ATG13: variants seen among roughly 807,000 people sequenced by gnomAD.
ATG13 encodes the protein autophagy related 13, also known as autophagy-related protein 13.
In ATG13, 23 loss-of-function variants were observed where a neutral mutation model predicts 65.5. That is an observed-to-expected ratio of 0.35 (90% CI 0.25 to 0.50). ATG13 has a LOEUF of 0.50. Ranked by LOEUF, ATG13 falls within the 20% of genes least tolerant of loss-of-function variation. The pLI is 0.98. For missense variants in ATG13, 566 were observed against 677.0 expected, an observed-to-expected ratio of 0.84 and a Z score of 1.82; for synonymous variants, 252 against 245.2, an observed-to-expected ratio of 1.03 and a Z score of -0.26.
At chr11:46,619,178 T>G (rs892165089) in intron 1 of ATG13, among the ~76,000 whole-genome samples, 4 of 152,000 alleles carry the variant, frequency 2.6e-5, no homozygotes. Flanking sequence ...CAATAAAAAC[T>G]GAAAATATTC....
At chr11:46,668,058 C>T (rs941689146) in intron 15 of ATG13, among the ~76,000 whole-genome samples, 171 bp downstream of exon 15, 2 of 152,108 alleles carry the variant, frequency 1.3e-5, no homozygotes, top group East Asian at 3.8e-4. Flanking sequence ...CCTGTGCTAC[C>T]CCTCCAGAAT....
rs972144108 is a variant in ATG13, at chr11:46,672,435, G to C, written c.*103G>C. ...CACCCCTCATCCTGCTCTGAGCCAG[G>C]TGGAAGGGAGGCTGGCTTCTCCCAT... On this transcript the variant is annotated 3_prime_UTR_variant, in exon 19 of 19. Coordinates refer to ENST00000683050, the MANE Select transcript of ATG13 (RefSeq NM_001346311.2). 1.3e-5 allele frequency: 21 copies of C among 1,593,504 alleles called. No homozygotes were observed. The highest frequency in any genetic ancestry group is 1.7e-5 in the Non-Finnish European group (20 of 1,168,864).
At chr11:46,641,735 T>A (rs1287079837) in intron 2 of ATG13, among the ~76,000 whole-genome samples, 2 of 151,172 alleles carry the variant, frequency 1.3e-5, no homozygotes, top group East Asian at 3.9e-4. Flanking sequence ...GATTTGTGCA[T>A]TTCAGTGCAT....
At position 46,672,727 on chromosome 11, in the gene ATG13, T is replaced by G. The variant is rs201775989; in HGVS notation, c.*395T>G. 500 of 1,354,118 alleles carry G rather than the reference T, an allele frequency of 3.7e-4. 1 individual carries two copies. Among genetic ancestry groups the G allele is most frequent in the Non-Finnish European group, 2.2e-4 (225 of 1,025,782 alleles). 83.9% of individuals were successfully genotyped at this position (1,354,118 alleles called of 1,614,324 possible). A position where few individuals can be genotyped will look rare whatever the true frequency, so the allele number is the denominator to read the frequency against. ...CTGCCTGCTGTCACCATCCACTGTT[T>G]GACATTCCAGCTGGTGGCCAAGAGA... On this transcript the variant is annotated 3_prime_UTR_variant, in exon 19 of 19. Transcript: ENST00000683050.
rs150536295 is a variant in ATG13, at chr11:46,639,643, G to A, written c.-13-4636G>A. On this transcript the variant is annotated intron_variant, in intron 2 of 18. Transcript: ENST00000683050. ...GGAAACAGGAGGAACCCTCAAATCC[G>A]CCTCCCAGGGAGTTTGTGGGTAGAG... Among the ~76,000 whole-genome samples, 417 of 152,224 alleles carry A rather than the reference G, an allele frequency of 2.7e-3. 2 individuals carry two copies. Among genetic ancestry groups the A allele is most frequent in the African/African-American group, 9.7e-3 (402 of 41,536 alleles).
intron 5 of ATG13, among the ~76,000 whole-genome samples, chr11:46,646,845 G>A (rs4307676): frequency 0.14 from 21,520 of 151,494 alleles, 1,588 homozygotes; most frequent in Non-Finnish European, 0.17. Flanking sequence ...TTGCAGCCTC[G>A]ACCTCCTAGG....
At chr11:46,646,017 C>T in intron 5 of ATG13, 28 bp downstream of exon 5, 1 of 1,613,526 alleles carries the variant, frequency 6.2e-7, no homozygotes, top group Non-Finnish European at 8.5e-7. Flanking sequence ...TTGGTGTCTT[C>T]ATTTAGCACT....
intron 2 of ATG13, among the ~76,000 whole-genome samples, chr11:46,641,631 C>T (rs1021452118): frequency 2.6e-5 from 4 of 152,082 alleles, no homozygotes; most frequent in African/African-American, 9.7e-5. Flanking sequence ...TGTAATGGAA[C>T]CTTCTAGAAT....
chr11:46,650,326 C>T lies in ATG13; in HGVS notation c.458+9C>T. The T allele has an allele frequency of 6.2e-7, 1 of 1,607,914 alleles. No homozygotes were observed. Among genetic ancestry groups the T allele is most frequent in the Non-Finnish European group, 8.5e-7 (1 of 1,175,388 alleles). On this transcript the variant is annotated intron_variant, in intron 7 of 18. Coordinates refer to ENST00000683050, the MANE Select transcript of ATG13 (RefSeq NM_001346311.2). ...TATGTCATATTATACAGGTAAACAG[C>T]ATAGATGGTCATCTTGATTCACTCA...
chr11:46,670,665 G>A (rs1308398199), intron 18 of ATG13, among the ~76,000 whole-genome samples: 1 of 151,850 alleles, frequency 6.6e-6, no homozygotes, highest in Non-Finnish European at 1.5e-5. Context: ...AAAATTAGCT[G>A]GGCGTGGTGG....
In ATG13 at chr11:46,617,595, G is replaced by C. The variant is rs983580939; in HGVS notation, c.-365G>C. ...ATGAAAACAAACACTAACGATGGCG[G>C]CGCCGGGAAGCGACCGGCTGCTGGG... On this transcript the variant is annotated 5_prime_UTR_variant, in exon 1 of 19. Transcript: ENST00000683050. 18 of 308,634 alleles carry C rather than the reference G, an allele frequency of 5.8e-5. No individual in the cohort carries two copies. The highest frequency in any genetic ancestry group is 3.6e-4 in the African/African-American group (15 of 41,936). 19.1% of individuals were successfully genotyped at this position (308,634 alleles called of 1,614,324 possible). A position where few individuals can be genotyped will look rare whatever the true frequency, so the allele number is the denominator to read the frequency against.
intron 2 of ATG13, among the ~76,000 whole-genome samples, chr11:46,637,700 A>G (rs948549297): frequency 2.0e-5 from 3 of 152,234 alleles, no homozygotes; most frequent in Non-Finnish European, 4.4e-5. Context: ...CAGGCTATTC[A>G]GAGCAAAAGA....
At chr11:46,626,882 G>A (rs7108770) in intron 1 of ATG13, among the ~76,000 whole-genome samples, 50,100 of 152,098 alleles carry the variant, frequency 0.33, 13,925 homozygotes, top group African/African-American at 0.76. Context: ...TAGGAGGAAG[G>A]TGTAAACATT....
At chr11:46,650,768 G>C (rs2058731040) in intron 7 of ATG13, among the ~76,000 whole-genome samples, 1 of 152,130 alleles carries the variant, frequency 6.6e-6, no homozygotes, top group South Asian at 2.1e-4. Flanking sequence ...ACCATGCTCA[G>C]CTAATTTTTG....
At chr11:46,650,826 G>A (rs535048815) in intron 7 of ATG13, among the ~76,000 whole-genome samples, 11 of 152,148 alleles carry the variant, frequency 7.2e-5, no homozygotes, top group Non-Finnish European at 1.0e-4. Flanking sequence ...GGCTGGTCTC[G>A]AGCTCCTGAC....
At chr11:46,647,577 C>T (rs1349434705) in intron 5 of ATG13, among the ~76,000 whole-genome samples, 1 of 151,930 alleles carries the variant, frequency 6.6e-6, no homozygotes, top group Non-Finnish European at 1.5e-5. Flanking sequence ...CATGCCCAGC[C>T]TGCTATTGTT....
At chr11:46,625,375 A>G (rs149544283) in intron 1 of ATG13, 4 of 145,668 alleles carry the variant, frequency 2.7e-5, no homozygotes, top group African/African-American at 5.1e-5. Flanking sequence ...CCTGGGTTCG[A>G]GTGATCTTCC....
rs769349732 is a variant in ATG13, at chr11:46,663,977, CTGTG to C, written c.790-14_790-11del. The C allele has an allele frequency of 7.2e-6, 6 of 835,826 alleles. No homozygotes were observed. Among genetic ancestry groups the C allele is most frequent in the African/African-American group, 4.0e-5 (2 of 50,578 alleles). The allele number at this position is 835,826 out of a possible 1,614,324, so 51.8% of individuals were successfully genotyped here. On this transcript the variant is annotated splice_polypyrimidine_tract_variant and intron_variant, in intron 11 of 18. Coordinates refer to ENST00000683050, the MANE Select transcript of ATG13 (RefSeq NM_001346311.2). ...TTTTTTTTTTTTGTTTCTCCTGTCT[CTGTG>C]TGTGTCTGTGCACAGTGTGTGTTTA...
intron 5 of ATG13, chr11:46,648,912 T>C (rs1009160302): frequency 7.8e-5 from 29 of 369,540 alleles, no homozygotes; most frequent in Admixed American, 2.7e-4. Context: ...AATTTTTAAT[T>C]ATAAGGAAAA....
Sources: allele counts gnomAD v4.1 joint callset (sites outside exome capture counted in the v4.1 genomes callset), GRCh38; gene constraint gnomAD v4.1.1; transcripts MANE v1.5; gene names NCBI Gene and HGNC (gene_info 2026-07-23, HGNC 2026-07-21).